Variants in EXOSC9 observed in about 807,000 individuals in gnomAD.
EXOSC9 encodes exosome component 9.
Under a neutral mutation model 56.5 loss-of-function variants are expected in EXOSC9, and 38 were observed. The observed-to-expected ratio is 0.67, with a 90% CI of 0.52 to 0.88. The LOEUF is 0.88. EXOSC9 is among the 40% of genes least tolerant of loss of function. The pLI, the probability that EXOSC9 is intolerant of heterozygous loss-of-function variation, is 0.00. For missense variants in EXOSC9, 559 were observed against 530.5 expected, an observed-to-expected ratio of 1.05 and a Z score of -0.53; for synonymous variants, 170 against 170.8, an observed-to-expected ratio of 0.99 and a Z score of 0.04.
chr4:121,810,127 A>C (rs763892886), intron 7 of EXOSC9, 28 bp downstream of exon 7: 1 of 1,599,326 alleles, frequency 6.3e-7, no homozygotes, highest in African/African-American at 1.3e-5. Flanking sequence ...TGTCCCATTA[A>C]TAATAGGTTG....
At chr4:121,813,039 TAATA>T (rs1724299243) in intron 8 of EXOSC9, among the ~76,000 whole-genome samples, 191 bp from the exon 9 acceptor site, 1 of 152,204 alleles carries the variant, frequency 6.6e-6, no homozygotes, top group Non-Finnish European at 1.5e-5. Flanking sequence ...GCACGTGGTT[TAATA>T]AATGATTATG....
chr4:121,816,448 G>A lies in EXOSC9; in HGVS notation c.1235+1G>A. 6.4e-7 allele frequency: 1 copy of A among 1,555,206 alleles called. No individual in the cohort carries two copies. Among genetic ancestry groups the A allele is most frequent in the Non-Finnish European group, 8.7e-7 (1 of 1,145,938 alleles). On this transcript the variant is annotated splice_donor_variant, in intron 11 of 11. Coordinates refer to ENST00000243498, the MANE Select transcript of EXOSC9 (RefSeq NM_005033.3). LOFTEE classifies it high-confidence loss of function. The stretch of plus-strand genomic sequence containing the variant: ...CAGACAAGAATCCAAAGAAAATAAG[G>A]TAACAAATTTCTGGTTTATTTCAAA...
chr4:121,806,945 C>T (rs575342616), intron 5 of EXOSC9, among the ~76,000 whole-genome samples: 25 of 152,062 alleles, frequency 1.6e-4, no homozygotes, highest in East Asian at 3.9e-4. Flanking sequence ...GTGATGGGTC[C>T]GTAAATGTAT....
chr4:121,809,867 CTG>C, intron 6 of EXOSC9, 98 bp from the exon 7 acceptor site: 1 of 1,360,906 alleles, frequency 7.3e-7, no homozygotes, highest in South Asian at 1.2e-5. Context: ...CCTTTATTCT[CTG>C]TTGACTTTAT....
At chr4:121,808,670 TTTC>T (rs911652883) in intron 6 of EXOSC9, among the ~76,000 whole-genome samples, 1 of 148,992 alleles carries the variant, frequency 6.7e-6, no homozygotes. Context: ...GCTGTTTCTT[TTTC>T]TTTTCTTTTC....
intron 6 of EXOSC9, among the ~76,000 whole-genome samples, chr4:121,808,331 T>G (rs948622936): frequency 2.6e-5 from 4 of 152,154 alleles, no homozygotes; most frequent in Non-Finnish European, 5.9e-5. Flanking sequence ...CCAGTAGAAA[T>G]AAAATGTGAA....
Position 121,813,932 on chromosome 4 carries a change from G to A in EXOSC9, c.1041G>A (p.Trp347Ter). Reference protein sequence around the residue: ...AQIGEGVENSWGDLEDSEKED... With the variant: ...AQIGEGVENS The stretch of plus-strand genomic sequence containing the variant: ...TTGGAGAGGGAGTAGAAAACTCCTG[G>A]GGTGATCTTGAAGACTCTGAGAAGG... Residue 347 changes from tryptophan (W) to a stop codon, truncating the protein, a stop_gained, in exon 10 of 12, where the codon TGG (tryptophan) becomes TGA (stop). Transcript: ENST00000243498. LOFTEE classifies it high-confidence loss of function. 1 of 1,613,046 alleles carries A rather than the reference G, an allele frequency of 6.2e-7. No individual in the cohort carries two copies. Among genetic ancestry groups the A allele is most frequent in the Non-Finnish European group, 8.5e-7 (1 of 1,179,120 alleles).
intron 8 of EXOSC9, 126 bp from the exon 9 acceptor site, chr4:121,813,104 TAAAC>T (rs983640605): frequency 1.2e-6 from 1 of 839,824 alleles, no homozygotes; most frequent in African/African-American, 1.7e-5. Flanking sequence ...TTAAGTTAGA[TAAAC>T]TAACTCTCTT....
chr4:121,816,878 A>G lies in EXOSC9; in HGVS notation c.*22A>G, dbSNP rs753649535. ...TTAAAGCTAACAGTTGTATATCTGTATATATAACTATTAAAAGGGATATTT... is the reference window on the plus strand; with the variant it reads ...TTAAAGCTAACAGTTGTATATCTGTGTATATAACTATTAAAAGGGATATTT... On this transcript the variant is annotated 3_prime_UTR_variant, in exon 12 of 12. Transcript: ENST00000243498. 3 of 1,517,654 alleles carry G rather than the reference A, an allele frequency of 2.0e-6. No homozygotes were observed. Among genetic ancestry groups the G allele is most frequent in the Admixed American group, 2.2e-5 (1 of 44,854 alleles). 94.0% of individuals were successfully genotyped at this position (1,517,654 alleles called of 1,614,324 possible).
intron 7 of EXOSC9, among the ~76,000 whole-genome samples, chr4:121,810,637 G>A (rs1478205678): frequency 6.6e-6 from 1 of 152,106 alleles, no homozygotes; most frequent in East Asian, 1.9e-4. Flanking sequence ...AGCTGAGATC[G>A]TGCCATTGTT....
At chr4:121,812,512 C>G (rs1727240702) in intron 8 of EXOSC9, among the ~76,000 whole-genome samples, 1 of 152,086 alleles carries the variant, frequency 6.6e-6, no homozygotes, top group Non-Finnish European at 1.5e-5. Context: ...GAGATGAAGT[C>G]TCACTTCTCA....
At chr4:121,805,351 G>A (rs143662067) in intron 5 of EXOSC9, among the ~76,000 whole-genome samples, 24 of 152,282 alleles carry the variant, frequency 1.6e-4, no homozygotes, top group African/African-American at 4.8e-4. Flanking sequence ...GAAAACCATT[G>A]ACCTACGTTG....
chr4:121,815,596 ATT>A lies in EXOSC9; in HGVS notation c.1157-769_1157-768del, dbSNP rs1405372295. 1.2e-5 allele frequency: 12 copies of A among 985,318 alleles called. No individual in the cohort carries two copies. In the Admixed American group the frequency reaches 7.4e-4, roughly 61 times the overall value. The allele number at this position is 985,318 out of a possible 1,614,324, so 61.0% of individuals were successfully genotyped here. On this transcript the variant is annotated intron_variant, in intron 10 of 11. Transcript: ENST00000243498. ...CTCAAAGTATACAATGGCCAGTAAT[ATT>A]TTTCATGGTCAGCCCTGACAGTAAT...
chr4:121,804,791 A>T, intron 5 of EXOSC9, 32 bp downstream of exon 5: 1 of 1,527,148 alleles, frequency 6.5e-7, no homozygotes, highest in Non-Finnish European at 8.9e-7. Flanking sequence ...GATCCTTGAT[A>T]TGAATGAATG....
At chr4:121,812,311 A>G (rs1395555988) in intron 8 of EXOSC9, among the ~76,000 whole-genome samples, 2 of 152,192 alleles carry the variant, frequency 1.3e-5, no homozygotes, top group African/African-American at 2.4e-5. Context: ...GTCTTTTAAT[A>G]TATTTTTTTT....
intron 5 of EXOSC9, among the ~76,000 whole-genome samples, chr4:121,807,081 T>G (rs1727042743): frequency 6.6e-6 from 1 of 152,134 alleles, no homozygotes; most frequent in Admixed American, 6.5e-5. Flanking sequence ...TCACCTCAGG[T>G]TGGGAGTTCG....
intron 6 of EXOSC9, among the ~76,000 whole-genome samples, chr4:121,808,447 C>G (rs1180008104): frequency 1.3e-5 from 2 of 152,158 alleles, no homozygotes; most frequent in Non-Finnish European, 2.9e-5. Flanking sequence ...ACAACCTCTG[C>G]TTTCTGGGCT....
chr4:121,802,003 G>C (rs1008607098), intron 2 of EXOSC9, 82 bp downstream of exon 2: 1 of 979,120 alleles, frequency 1.0e-6, no homozygotes, highest in East Asian at 2.4e-5. Flanking sequence ...TTATAAAGCA[G>C]CTAAGAAGTC....
intron 6 of EXOSC9, among the ~76,000 whole-genome samples, chr4:121,809,265 G>A (rs1240210952): frequency 1.3e-5 from 2 of 152,116 alleles, no homozygotes; most frequent in African/African-American, 4.8e-5. Context: ...GGGATTACAA[G>A]CATGAGCCAC....
Sources: allele counts gnomAD v4.1 joint callset (sites outside exome capture counted in the v4.1 genomes callset), GRCh38; gene constraint gnomAD v4.1.1; transcripts MANE v1.5; gene names NCBI Gene and HGNC (gene_info 2026-07-23, HGNC 2026-07-21).